Variants in ATG10 observed in about 807,000 individuals in gnomAD.
ATG10 encodes the protein autophagy related 10.
ATG10 carries 30 observed loss-of-function variants against 32.1 expected under a neutral mutation model. The ratio of observed to expected loss-of-function variants is 0.94; its 90% confidence interval spans 0.70 to 1.27. The LOEUF (loss-of-function observed/expected upper bound fraction) is 1.27. ATG10 is among the 50% of genes most tolerant of loss of function. The probability of loss-of-function intolerance (pLI) is 0.00; values close to 1 mark genes in which losing one functional copy is unlikely to be tolerated. For missense variants in ATG10, 233 were observed against 262.3 expected (o/e 0.89, Z 0.77); for synonymous variants, 87 against 91.5 (o/e 0.95, Z 0.28).
intron 3 of ATG10, among the ~76,000 whole-genome samples, chr5:82,095,948 T>A (rs1561296264): frequency 6.6e-6 from 1 of 152,220 alleles, no homozygotes; most frequent in Non-Finnish European, 1.5e-5. Context: ...TTAACTCTTT[T>A]ACACCCCTGT....
At chr5:82,100,783 T>G (rs1765245933) in intron 3 of ATG10, among the ~76,000 whole-genome samples, 1 of 150,264 alleles carries the variant, frequency 6.7e-6, no homozygotes, top group Admixed American at 6.6e-5. Context: ...TTTTTTTTTT[T>G]TTTTTTTTTT....
intron 5 of ATG10, among the ~76,000 whole-genome samples, chr5:82,238,888 A>C (rs1481949876): frequency 1.3e-5 from 2 of 152,196 alleles, no homozygotes; most frequent in African/African-American, 4.8e-5. Flanking sequence ...GGCAAGGAGT[A>C]GGCAAACTCA....
At chr5:82,197,594 C>G (rs1744909204) in intron 5 of ATG10, among the ~76,000 whole-genome samples, 1 of 152,004 alleles carries the variant, frequency 6.6e-6, no homozygotes, top group African/African-American at 2.4e-5. Flanking sequence ...GGCATGAATC[C>G]TATTTACATT....
At chr5:81,978,488 A>G (rs1760933346) in intron 1 of ATG10, among the ~76,000 whole-genome samples, 1 of 152,146 alleles carries the variant, frequency 6.6e-6, no homozygotes, top group Non-Finnish European at 1.5e-5. Flanking sequence ...CCTACTACCC[A>G]CTGTTCAAAG....
intron 3 of ATG10, among the ~76,000 whole-genome samples, chr5:82,093,081 C>A (rs1263046920): frequency 6.6e-6 from 1 of 152,266 alleles, no homozygotes; most frequent in Non-Finnish European, 1.5e-5. Context: ...AATACAATAG[C>A]TTTATCACTG....
At chr5:82,225,797 C>G (rs970862693) in intron 5 of ATG10, among the ~76,000 whole-genome samples, 3 of 152,068 alleles carry the variant, frequency 2.0e-5, no homozygotes, top group African/African-American at 7.2e-5. Context: ...CTAGAGGGAA[C>G]GGGAATACTT....
At chr5:82,096,453 A>G (rs1765068456) in intron 3 of ATG10, among the ~76,000 whole-genome samples, 1 of 152,132 alleles carries the variant, frequency 6.6e-6, no homozygotes, top group Non-Finnish European at 1.5e-5. Context: ...AATCTTTTCC[A>G]GTCATAGTAT....
intron 3 of ATG10, among the ~76,000 whole-genome samples, chr5:82,077,735 CTT>C (rs1262148044): frequency 6.6e-6 from 1 of 152,162 alleles, no homozygotes; most frequent in African/African-American, 2.4e-5. Flanking sequence ...AAAGCCAGCA[CTT>C]TATAAAGCAA....
At chr5:82,019,418 C>T (rs1299222070) in intron 2 of ATG10, among the ~76,000 whole-genome samples, 1 of 151,718 alleles carries the variant, frequency 6.6e-6, no homozygotes, top group Non-Finnish European at 1.5e-5. Context: ...TATCTTGTTC[C>T]AGAATTGCAG....
chr5:82,178,337 G>A (rs1291280864), intron 4 of ATG10, among the ~76,000 whole-genome samples, 153 bp from the exon 5 acceptor site: 1 of 152,164 alleles, frequency 6.6e-6, no homozygotes, highest in Non-Finnish European at 1.5e-5. Flanking sequence ...GAAGAAAATA[G>A]TAATTCATAT....
At chr5:82,082,819 CTA>C (rs1388992235) in intron 3 of ATG10, among the ~76,000 whole-genome samples, 2 of 152,078 alleles carry the variant, frequency 1.3e-5, no homozygotes, top group African/African-American at 4.8e-5. Flanking sequence ...GTCTTAGAAA[CTA>C]TGTTTGTAAA....
At chr5:82,151,099 G>A (rs370881813) in intron 3 of ATG10, among the ~76,000 whole-genome samples, 1 of 152,190 alleles carries the variant, frequency 6.6e-6, no homozygotes. Context: ...CATGCCCCCA[G>A]AGGGCTTGCA....
chr5:82,160,469 G>A (rs1743272398), intron 3 of ATG10, among the ~76,000 whole-genome samples: 1 of 152,138 alleles, frequency 6.6e-6, no homozygotes, highest in African/African-American at 2.4e-5. Context: ...GAATAAAGCT[G>A]CTATGAACAT....
At chr5:82,125,391 G>A (rs1296785568) in intron 3 of ATG10, among the ~76,000 whole-genome samples, 1 of 152,118 alleles carries the variant, frequency 6.6e-6, no homozygotes, top group Non-Finnish European at 1.5e-5. Flanking sequence ...TATTGCCTAG[G>A]TTTTCTTCTA....
intron 3 of ATG10, among the ~76,000 whole-genome samples, chr5:82,062,168 AT>A (rs954969752): frequency 1.7e-4 from 26 of 151,916 alleles, no homozygotes; most frequent in Admixed American, 7.9e-4. Context: ...AGAATAACAT[AT>A]TTTTTTTCAA....
intron 2 of ATG10, among the ~76,000 whole-genome samples, chr5:82,005,649 A>T (rs139279722): frequency 1.3e-5 from 2 of 152,038 alleles, no homozygotes; most frequent in Non-Finnish European, 2.9e-5. Context: ...CTTTCTAGAA[A>T]TTTTGTTTTG....
At chr5:82,236,235 T>G (rs1474907206) in intron 5 of ATG10, among the ~76,000 whole-genome samples, 3 of 152,178 alleles carry the variant, frequency 2.0e-5, no homozygotes, top group Admixed American at 2.0e-4. Context: ...GCTCCTGATT[T>G]TCCCCCAGCA....
intron 2 of ATG10, among the ~76,000 whole-genome samples, chr5:82,041,511 A>G (rs1011990758): frequency 6.6e-6 from 1 of 152,238 alleles, no homozygotes; most frequent in Non-Finnish European, 1.5e-5. Context: ...AAAAGACCTT[A>G]GAGTACTTAG....
intron 5 of ATG10, among the ~76,000 whole-genome samples, chr5:82,210,568 C>G (rs557497775): frequency 3.9e-5 from 6 of 152,260 alleles, no homozygotes; most frequent in African/African-American, 1.4e-4. Context: ...TCTCCTGATT[C>G]TTTGACCCAC....
Sources: allele counts gnomAD v4.1 joint callset (sites outside exome capture counted in the v4.1 genomes callset), GRCh38; gene constraint gnomAD v4.1.1; transcripts MANE v1.5; gene names NCBI Gene and HGNC (gene_info 2026-07-23, HGNC 2026-07-21).